Variants in MEIOB observed in about 807,000 individuals in gnomAD.
MEIOB encodes meiosis-specific with OB domain-containing protein.
MEIOB carries 50 observed loss-of-function variants against 53.1 expected under a neutral mutation model. That is an observed-to-expected ratio of 0.94 (90% CI 0.75 to 1.19). The LOEUF (loss-of-function observed/expected upper bound fraction) is 1.19, where lower values mean the gene tolerates loss of function less well. Ranked by LOEUF, MEIOB falls within the 50% of genes most tolerant of loss-of-function variation. The probability of loss-of-function intolerance (pLI) is 0.00; values close to 1 mark genes in which losing one functional copy is unlikely to be tolerated. For missense variants in MEIOB, 551 were observed against 550.8 expected, an observed-to-expected ratio of 1.00 and a Z score of 0.00; for synonymous variants, 192 against 182.5, an observed-to-expected ratio of 1.05 and a Z score of -0.42.
At position 1,849,796 on chromosome 16, in the gene MEIOB, G is replaced by A. The variant is rs189844788; in HGVS notation, c.778+3243C>T. On this transcript the variant is annotated intron_variant, in intron 9 of 13. Transcript: ENST00000325962. ...ATCTGCTGTACAACGTAGTAGCTAT[G>A]ATCAGTAACAACGTATGACATTCTT... 8.6e-4 allele frequency among the ~76,000 whole-genome samples: 131 copies of A among 152,216 alleles called. 1 individual carries two copies. Among genetic ancestry groups the A allele is most frequent in the African/African-American group, 2.9e-3 (120 of 41,546 alleles).
At chr16:1,867,748 A>G (rs1481624327) in intron 2 of MEIOB, among the ~76,000 whole-genome samples, 1 of 152,180 alleles carries the variant, frequency 6.6e-6, no homozygotes, top group African/African-American at 2.4e-5. Context: ...CTGGGATTAC[A>G]GACATGAGCC....
At chr16:1,848,995 G>A (rs1212002505) in intron 9 of MEIOB, among the ~76,000 whole-genome samples, 1 of 152,130 alleles carries the variant, frequency 6.6e-6, no homozygotes, top group Non-Finnish European at 1.5e-5. Flanking sequence ...AGGTATATAA[G>A]ATGCTCAGGT....
intron 10 of MEIOB, among the ~76,000 whole-genome samples, chr16:1,843,143 A>G (rs536362733): frequency 1.3e-5 from 2 of 150,820 alleles, no homozygotes; most frequent in South Asian, 4.2e-4. Flanking sequence ...AAATACAAAG[A>G]ATTAGCCGGG....
intron 9 of MEIOB, among the ~76,000 whole-genome samples, chr16:1,846,337 G>A (rs967120519): frequency 2.0e-5 from 3 of 152,186 alleles, no homozygotes; most frequent in Admixed American, 6.6e-5. Context: ...TGACAATAGC[G>A]TTATCCTGAC....
At chr16:1,845,993 T>G (rs1439162814) in intron 9 of MEIOB, among the ~76,000 whole-genome samples, 1 of 152,206 alleles carries the variant, frequency 6.6e-6, no homozygotes, top group Non-Finnish European at 1.5e-5. Flanking sequence ...TACCTGTTCT[T>G]TCTCAGAACT....
intron 2 of MEIOB, among the ~76,000 whole-genome samples, 164 bp from the exon 3 acceptor site, chr16:1,865,999 T>C (rs2150824679): frequency 6.6e-6 from 1 of 152,326 alleles, no homozygotes; most frequent in Admixed American, 6.5e-5. Flanking sequence ...AGTTCATAAA[T>C]GTTCAATTCC....
At chr16:1,850,703 A>G (rs1899147602) in intron 9 of MEIOB, among the ~76,000 whole-genome samples, 1 of 152,128 alleles carries the variant, frequency 6.6e-6, no homozygotes, top group South Asian at 2.1e-4. Context: ...GGCAGATCAC[A>G]CGGTCAGGAG....
At chr16:1,838,309 GT>G in intron 12 of MEIOB, among the ~76,000 whole-genome samples, 1 of 152,166 alleles carries the variant, frequency 6.6e-6, no homozygotes, top group East Asian at 1.9e-4. Context: ...CAACTCAACT[GT>G]TTTGATAGAG....
chr16:1,845,429 A>G (rs1334858782), intron 9 of MEIOB, among the ~76,000 whole-genome samples: 1 of 152,134 alleles, frequency 6.6e-6, no homozygotes, highest in African/African-American at 2.4e-5. Flanking sequence ...CTGAGGCAGG[A>G]GACTGGCATG....
intron 9 of MEIOB, among the ~76,000 whole-genome samples, chr16:1,845,224 C>T (rs1475189871): frequency 6.6e-6 from 1 of 152,100 alleles, no homozygotes; most frequent in Non-Finnish European, 1.5e-5. Flanking sequence ...ATTAAAAAAT[C>T]TACATATATA....
chr16:1,872,112 G>A lies in MEIOB; in HGVS notation c.-129C>T, dbSNP rs995675908. ...TCGCGGCTTCTCCACAGGACGCTCGGGCCACAGCCTCGTGCAGGTGCGACG... is the reference window on the plus strand; with the variant it reads ...TCGCGGCTTCTCCACAGGACGCTCGAGCCACAGCCTCGTGCAGGTGCGACG... On this transcript the variant is annotated 5_prime_UTR_variant, in exon 1 of 14. Transcript: ENST00000325962. 1 of 151,890 alleles carries A rather than the reference G, an allele frequency of 6.6e-6. No individual in the cohort carries two copies. The highest frequency in any genetic ancestry group is 6.6e-5 in the Admixed American group (1 of 15,246). The allele number at this position is 151,890 out of a possible 1,614,324, so 9.4% of individuals were successfully genotyped here. A position where few individuals can be genotyped will look rare whatever the true frequency, so the allele number is the denominator to read the frequency against.
At chr16:1,868,476 C>T (rs1450523695) in intron 1 of MEIOB, among the ~76,000 whole-genome samples, 4 of 151,608 alleles carry the variant, frequency 2.6e-5, no homozygotes, top group East Asian at 3.9e-4. Flanking sequence ...TGCACTGAGC[C>T]GAGATCGCAC....
At chr16:1,859,112 T>C (rs892712004) in intron 5 of MEIOB, among the ~76,000 whole-genome samples, 4 of 152,168 alleles carry the variant, frequency 2.6e-5, no homozygotes, top group African/African-American at 4.8e-5. Context: ...ATCCCAGTAA[T>C]TGACCATTAG....
At chr16:1,847,479 A>G (rs557415032) in intron 9 of MEIOB, among the ~76,000 whole-genome samples, 1 of 150,816 alleles carries the variant, frequency 6.6e-6, no homozygotes, top group South Asian at 2.1e-4. Context: ...AAACAAACAA[A>G]AAAAGCCTAT....
chr16:1,861,565 C>G (rs1321870784), intron 4 of MEIOB, among the ~76,000 whole-genome samples: 2 of 105,866 alleles, frequency 1.9e-5, no homozygotes, highest in Non-Finnish European at 3.5e-5. Context: ...TTTTTTGAGA[C>G]AGGGTCTTAC....
chr16:1,838,980 C>T (rs1346814801), intron 12 of MEIOB, among the ~76,000 whole-genome samples: 5 of 152,200 alleles, frequency 3.3e-5, no homozygotes, highest in Non-Finnish European at 7.3e-5. Flanking sequence ...GCGTGAGCCA[C>T]GGTGCCCAGC....
intron 6 of MEIOB, among the ~76,000 whole-genome samples, chr16:1,854,768 A>G (rs1231124449): frequency 6.6e-6 from 1 of 152,266 alleles, no homozygotes; most frequent in East Asian, 1.9e-4. Context: ...ACACTGTCCA[A>G]TTCTGTCCAT....
intron 10 of MEIOB, among the ~76,000 whole-genome samples, chr16:1,842,728 A>G (rs1567273790): frequency 6.6e-6 from 1 of 150,790 alleles, no homozygotes; most frequent in East Asian, 2.0e-4. Flanking sequence ...CAGTGGCGCG[A>G]TCTCGGCTCA....
At chr16:1,840,952 C>T (rs1300355485) in intron 11 of MEIOB, 3 of 150,858 alleles carry the variant, frequency 2.0e-5, no homozygotes, top group Admixed American at 6.6e-5. Context: ...TTACACATTT[C>T]TTGCCAAGCA....
Sources: gnomAD v4.1 joint callset for allele counts (sites outside exome capture counted in the v4.1 genomes callset) on GRCh38, gnomAD v4.1.1 for gene constraint, MANE v1.5 for transcripts, NCBI Gene and HGNC (gene_info 2026-07-23, HGNC 2026-07-21) for gene names.